ANKS1B: variants seen among roughly 807,000 people sequenced by gnomAD.
The protein encoded by ANKS1B is ankyrin repeat and sterile alpha motif domain-containing protein 1B.
A neutral mutation model predicts 148.3 loss-of-function variants in ANKS1B; 36 were observed. The ratio of observed to expected loss-of-function variants is 0.24; its 90% CI spans 0.19 to 0.32. ANKS1B has a LOEUF of 0.32. Among genes scored for constraint, ANKS1B ranks in the 10% least tolerant of loss-of-function variants. The pLI is 1.00. For synonymous variants in ANKS1B, 542 were observed against 560.8 expected, an observed-to-expected ratio of 0.97 and a Z score of 0.47; for missense variants, 1,157 against 1,542.6, an observed-to-expected ratio of 0.75 and a Z score of 4.19.
intron 9 of ANKS1B, among the ~76,000 whole-genome samples, chr12:99,601,178 C>G (rs1206905613): frequency 6.6e-6 from 1 of 151,972 alleles, no homozygotes; most frequent in Non-Finnish European, 1.5e-5. Context: ...ACTGGGATAC[C>G]GGTGTCCAGT....
At chr12:98,839,663 A>C (rs867531923) in intron 17 of ANKS1B, among the ~76,000 whole-genome samples, 16 of 152,170 alleles carry the variant, frequency 1.1e-4, no homozygotes, top group Admixed American at 3.3e-4. Context: ...TAGATTTTAG[A>C]TCCAGAATCA....
At chr12:99,180,431 T>C (rs529207000) in intron 14 of ANKS1B, among the ~76,000 whole-genome samples, 4 of 152,282 alleles carry the variant, frequency 2.6e-5, no homozygotes, top group African/African-American at 9.6e-5. Context: ...GAATCAGACA[T>C]GTAATTTTTG....
chr12:99,333,331 G>A (rs2087959239), intron 12 of ANKS1B, among the ~76,000 whole-genome samples: 1 of 152,072 alleles, frequency 6.6e-6, no homozygotes. Context: ...AGAACCTGAT[G>A]ACTCTGAGAA....
At chr12:99,514,849 C>T (rs2096800345) in intron 9 of ANKS1B, among the ~76,000 whole-genome samples, 1 of 151,948 alleles carries the variant, frequency 6.6e-6, no homozygotes, top group Non-Finnish European at 1.5e-5. Context: ...CCAACATATC[C>T]TTGATGGTTA....
chr12:99,478,985 T>C (rs537333393), intron 10 of ANKS1B, among the ~76,000 whole-genome samples: 1 of 152,188 alleles, frequency 6.6e-6, no homozygotes, highest in African/African-American at 2.4e-5. Flanking sequence ...AAAATATTAG[T>C]ATTTCAAAAC....
chr12:99,969,682 T>C (rs542079117), intron 1 of ANKS1B, among the ~76,000 whole-genome samples: 1 of 152,342 alleles, frequency 6.6e-6, no homozygotes, highest in East Asian at 1.9e-4. Context: ...TATATTACTA[T>C]ATAATTTTGT....
chr12:99,108,277 C>T (rs966981344), intron 15 of ANKS1B, among the ~76,000 whole-genome samples: 5 of 152,222 alleles, frequency 3.3e-5, no homozygotes, highest in African/African-American at 1.2e-4. Flanking sequence ...GATCACAATG[C>T]ATTTTAGCCA....
At chr12:99,465,450 T>G (rs1327432915) in intron 10 of ANKS1B, among the ~76,000 whole-genome samples, 2 of 152,126 alleles carry the variant, frequency 1.3e-5, no homozygotes, top group Non-Finnish European at 2.9e-5. Flanking sequence ...CAGTATTAAC[T>G]TTAAATGTAA....
In ANKS1B at chr12:99,538,580, A is replaced by G. The variant is rs560212685; in HGVS notation, c.1273-33939T>C. On this transcript the variant is annotated intron_variant, in intron 9 of 26. Transcript: ENST00000683438. ...CTATTGGCACACAGAAATGCTACTG[A>G]TTTTTGTATGTTAATTTTGTATCCT... is the stretch of plus-strand genomic sequence containing the variant. Among the ~76,000 whole-genome samples, 21 of 152,202 alleles carry G rather than the reference A, an allele frequency of 1.4e-4. No individual in the cohort carries two copies. The East Asian group carries it at 4.0e-3, about 29-fold the overall frequency.
chr12:99,509,367 CT>C (rs1485178967), intron 9 of ANKS1B, among the ~76,000 whole-genome samples: 5 of 151,890 alleles, frequency 3.3e-5, no homozygotes, highest in Admixed American at 2.6e-4. Context: ...AGCTACCAAG[CT>C]GTGAATGCAA....
intron 9 of ANKS1B, among the ~76,000 whole-genome samples, chr12:99,523,176 A>G (rs142354825): frequency 1.3e-5 from 2 of 152,326 alleles, no homozygotes; most frequent in East Asian, 3.9e-4. Context: ...GGAATCACAC[A>G]TGATGCACTT....
At chr12:99,883,715 A>G (rs1161125253) in intron 1 of ANKS1B, among the ~76,000 whole-genome samples, 1 of 152,182 alleles carries the variant, frequency 6.6e-6, no homozygotes, top group Non-Finnish European at 1.5e-5. Context: ...CAGGAGTTCA[A>G]GACCAGCCTG....
At chr12:99,895,540 T>C (rs1390726919) in intron 1 of ANKS1B, among the ~76,000 whole-genome samples, 2 of 150,858 alleles carry the variant, frequency 1.3e-5, no homozygotes, top group African/African-American at 4.8e-5. Flanking sequence ...GTCAACATCT[T>C]AACAGGATAT....
intron 16 of ANKS1B, among the ~76,000 whole-genome samples, chr12:99,063,832 A>G (rs1282263747): frequency 1.3e-5 from 2 of 152,194 alleles, no homozygotes; most frequent in African/African-American, 4.8e-5. Context: ...GTTGGAAAGC[A>G]AGGAGTGATA....
chr12:99,636,328 A>T (rs137932418), intron 9 of ANKS1B, among the ~76,000 whole-genome samples: 2 of 152,320 alleles, frequency 1.3e-5, no homozygotes, highest in Middle Eastern at 3.4e-3. Context: ...CAATATTTTT[A>T]TCAACTGATC....
intron 8 of ANKS1B, among the ~76,000 whole-genome samples, chr12:99,710,607 T>A (rs2153535489): frequency 6.6e-6 from 1 of 152,148 alleles, no homozygotes; most frequent in Non-Finnish European, 1.5e-5. Context: ...GTAGCAAAAA[T>A]TCCTTTCCTT....
intron 9 of ANKS1B, among the ~76,000 whole-genome samples, chr12:99,595,029 A>G (rs2097744134): frequency 6.6e-6 from 1 of 151,990 alleles, no homozygotes; most frequent in Non-Finnish European, 1.5e-5. Context: ...TTAAAGCAAT[A>G]TGTTATTCCT....
At chr12:98,794,805 G>A in intron 22 of ANKS1B, 1 of 1,539,646 alleles carries the variant, frequency 6.5e-7, no homozygotes, top group Non-Finnish European at 8.9e-7. Context: ...GAAGCTTAAT[G>A]AACAGATTGA....
At chr12:99,554,604 G>T (rs974095377) in intron 9 of ANKS1B, among the ~76,000 whole-genome samples, 1 of 152,158 alleles carries the variant, frequency 6.6e-6, no homozygotes, top group African/African-American at 2.4e-5. Context: ...GTTTTCTACT[G>T]CACTAACCAT....
Sources: gnomAD v4.1 joint callset for allele counts (sites outside exome capture counted in the v4.1 genomes callset) on GRCh38, gnomAD v4.1.1 for gene constraint, MANE v1.5 for transcripts, NCBI Gene and HGNC (gene_info 2026-07-23, HGNC 2026-07-21) for gene names.